Variants in TXNDC5 observed in about 807,000 individuals in gnomAD.
The protein encoded by TXNDC5 is thioredoxin domain-containing protein 5.
In TXNDC5, 44 loss-of-function variants were observed where a neutral mutation model predicts 52.6. The ratio of observed to expected loss-of-function variants is 0.84; its 90% CI spans 0.66 to 1.08. The LOEUF is 1.08. Ranked by LOEUF, TXNDC5 falls within the 50% of genes least tolerant of loss-of-function variation. The pLI is 0.00. For synonymous variants in TXNDC5, 241 were observed against 234.4 expected, an observed-to-expected ratio of 1.03 and a Z score of -0.26; for missense variants, 600 against 565.5, an observed-to-expected ratio of 1.06 and a Z score of -0.62.
At chr6:7,888,911 T>G (rs1760097665) in intron 6 of TXNDC5, 63 bp from the exon 7 acceptor site, 1 of 1,522,564 alleles carries the variant, frequency 6.6e-7, no homozygotes, top group Non-Finnish European at 8.8e-7. Context: ...CACTTAAGCC[T>G]TCCTGCAACC....
intron 1 of TXNDC5, 106 bp downstream of exon 1, chr6:7,910,408 C>A: frequency 8.4e-7 from 1 of 1,190,814 alleles, no homozygotes; most frequent in Non-Finnish European, 1.1e-6. Context: ...AGACCAGAGC[C>A]GTCGGCGTCC....
In TXNDC5 at chr6:7,906,550, A is replaced by G. The variant is rs192203307; in HGVS notation, c.264-1827T>C. Among the ~76,000 whole-genome samples the G allele has an allele frequency of 4.0e-3, 601 of 150,190 alleles. 9 individuals carry two copies. Among genetic ancestry groups the G allele is most frequent in the Non-Finnish European group, 6.6e-3 (449 of 67,646 alleles). ...GACTCCATCTCAAAAAAAAAAAAAA[A>G]AAAAAAAGAAAAACAGACTTAAAGG... On this transcript the variant is annotated intron_variant, in intron 1 of 9. Coordinates refer to ENST00000379757, the MANE Select transcript of TXNDC5 (RefSeq NM_030810.5).
intron 3 of TXNDC5, among the ~76,000 whole-genome samples, chr6:7,897,545 A>C (rs1458955898): frequency 1.3e-5 from 2 of 152,180 alleles, no homozygotes; most frequent in Non-Finnish European, 2.9e-5. Context: ...TGGAGACACT[A>C]AAATATGGCA....
intron 1 of TXNDC5, 126 bp downstream of exon 1, chr6:7,910,388 C>T (rs1454578726): frequency 4.6e-6 from 5 of 1,097,468 alleles, no homozygotes; most frequent in Non-Finnish European, 5.7e-6. Flanking sequence ...GCCCGTAGCA[C>T]GCACGCCGCA....
At chr6:7,910,375 C>T in intron 1 of TXNDC5, 139 bp downstream of exon 1, 3 of 1,055,578 alleles carry the variant, frequency 2.8e-6, no homozygotes, top group Non-Finnish European at 3.5e-6. Context: ...CCCCGAGCCC[C>T]GCGCCCGTAG....
intron 4 of TXNDC5, among the ~76,000 whole-genome samples, chr6:7,893,590 AAC>A (rs1203271594): frequency 1.3e-5 from 2 of 151,874 alleles, no homozygotes; most frequent in Non-Finnish European, 2.9e-5. Flanking sequence ...TGATTTGGGA[AAC>A]ACACCCTGCT....
chr6:7,885,331 C>T (rs774641498), intron 8 of TXNDC5, among the ~76,000 whole-genome samples: 2 of 152,152 alleles, frequency 1.3e-5, no homozygotes, highest in Non-Finnish European at 2.9e-5. Context: ...CATTTTTCAG[C>T]TGAGGGAACT....
intron 2 of TXNDC5, chr6:7,900,375 C>T (rs760850265): frequency 6.6e-6 from 1 of 152,166 alleles, no homozygotes; most frequent in Non-Finnish European, 1.5e-5. Flanking sequence ...CACGGGAAAA[C>T]GTGCTCTAAT....
intron 4 of TXNDC5, among the ~76,000 whole-genome samples, chr6:7,893,054 A>G (rs1225951): frequency 0.32 from 48,339 of 152,060 alleles, 8,381 homozygotes; most frequent in East Asian, 0.65. Context: ...ATTTTATCAT[A>G]AAAAAAAGTT....
chr6:7,885,726 A>G (rs1759946504), intron 8 of TXNDC5, among the ~76,000 whole-genome samples: 1 of 152,166 alleles, frequency 6.6e-6, no homozygotes, highest in African/African-American at 2.4e-5. Flanking sequence ...TTCTCCATAT[A>G]TAATCAAAGT....
At position 7,899,624 on chromosome 6, in the gene TXNDC5, G is replaced by T. The variant is rs1581323449; in HGVS notation, c.471C>A (p.Phe157Leu). ...GCAGCATCCAGTTTTCCAGTGTCTG[G>T]AAGTCCCGAGGACCCTGGTACTTCA... ...EAVKYQGPRD[F>L]QTLENWMLQT... Residue 157 changes from phenylalanine (F) to leucine (L), a missense_variant, in exon 3 of 10, where the codon TTC becomes TTA. By Grantham distance (22) the Phe-to-Leu change is conservative. Transcript: ENST00000379757. The T allele has an allele frequency of 1.2e-6, 2 of 1,614,060 alleles. No individual in the cohort carries two copies. Among genetic ancestry groups the T allele is most frequent in the East Asian group, 4.5e-5 (2 of 44,878 alleles).
rs758024475 is a variant in TXNDC5 at position 7,910,663 on chromosome 6, G to T, written c.114C>A (p.Ala38=). The T allele has an allele frequency of 1.7e-5, 21 of 1,215,198 alleles. No individual in the cohort carries two copies. Among genetic ancestry groups the T allele is most frequent in the African/African-American group, 4.9e-5 (3 of 61,328 alleles). The allele number at this position is 1,215,198 out of a possible 1,614,324, so 75.3% of individuals were successfully genotyped here. The change falls in exon 1 of 10, where the codon GCC becomes GCA. Residue 38 remains alanine, a synonymous_variant. Transcript: ENST00000379757. ...HGGGGRWGAR[A]QEAAAAAADG... ...CCGCCGCCGCCGCCGCCGCCTCCTG[G>T]GCCCGGGCGCCCCAGCGCCCGCCGC...
At chr6:7,892,140 G>A (rs1185195793) in intron 4 of TXNDC5, among the ~76,000 whole-genome samples, 2 of 152,196 alleles carry the variant, frequency 1.3e-5, no homozygotes, top group Admixed American at 1.3e-4. Context: ...AGGAATGGAC[G>A]GACCCAGGCT....
intron 1 of TXNDC5, among the ~76,000 whole-genome samples, chr6:7,906,636 A>C (rs900692126): frequency 5.3e-5 from 8 of 151,434 alleles, no homozygotes; most frequent in Non-Finnish European, 1.2e-4. Flanking sequence ...TTTCTTGGCC[A>C]GCTAAGAGAA....
intron 4 of TXNDC5, 142 bp from the exon 5 acceptor site, chr6:7,891,878 A>G (rs1236118134): frequency 3.5e-6 from 2 of 578,776 alleles, no homozygotes; most frequent in African/African-American, 3.7e-5. Context: ...ATTGGTACAA[A>G]GGGACTCCAT....
rs375213532 is a variant in TXNDC5 at position 7,883,170 on chromosome 6, G to A, written c.1273C>T (p.Leu425=). ...TAAAGTTCGTCTTTCGCTTGGCTCA[G>A]GACAAAGCGGTGTAACGAGTCAAGG... ...RDLDSLHRFV[L]SQAKDEL is the part of the protein sequence containing the mutation. The change falls in exon 10 of 10, where the codon CTG becomes TTG. Residue 425 remains leucine, a synonymous_variant. Transcript: ENST00000379757. 1.9e-6 allele frequency: 3 copies of A among 1,614,062 alleles called. No homozygotes were observed. Among genetic ancestry groups the A allele is most frequent in the Non-Finnish European group, 2.5e-6 (3 of 1,180,032 alleles).
In TXNDC5 at chr6:7,882,942, A is replaced by G; in HGVS notation, c.*202T>C. On this transcript the variant is annotated 3_prime_UTR_variant, in exon 10 of 10. Transcript: ENST00000379757. ...TTTACACAGTGACCATGAGTTACAC[A>G]TTTACTTAGAGAAACTTAACTTAAT... The G allele has an allele frequency of 3.2e-6, 2 of 616,212 alleles. No individual in the cohort carries two copies. Among genetic ancestry groups the G allele is most frequent in the Non-Finnish European group, 5.4e-6 (2 of 372,070 alleles). The allele number at this position is 616,212 out of a possible 1,614,324, so 38.2% of individuals were successfully genotyped here. A position where few individuals can be genotyped will look rare whatever the true frequency, so the allele number is the denominator to read the frequency against.
At chr6:7,890,431 C>G (rs1467366467) in intron 5 of TXNDC5, among the ~76,000 whole-genome samples, 1 of 152,166 alleles carries the variant, frequency 6.6e-6, no homozygotes, top group Non-Finnish European at 1.5e-5. Context: ...GTAACCCAGC[C>G]ACATGTGCCA....
chr6:7,885,679 TTA>T (rs754345568), intron 8 of TXNDC5, among the ~76,000 whole-genome samples: 1 of 152,262 alleles, frequency 6.6e-6, no homozygotes, highest in African/African-American at 2.4e-5. Context: ...GCCTCCATTT[TTA>T]TGTTTTCTCC....
Sources: gnomAD v4.1 joint callset for allele counts (sites outside exome capture counted in the v4.1 genomes callset) on GRCh38, gnomAD v4.1.1 for gene constraint, MANE v1.5 for transcripts, NCBI Gene and HGNC (gene_info 2026-07-23, HGNC 2026-07-21) for gene names.